RPF2: variants seen among roughly 807,000 people sequenced by gnomAD.
RPF2 encodes brix domain containing 1.
A neutral mutation model predicts 38.9 loss-of-function variants in RPF2; 21 were observed. That is an observed-to-expected ratio of 0.54 (90% CI 0.38 to 0.78). RPF2 has a LOEUF of 0.78. RPF2 is among the 30% of genes least tolerant of loss of function. The pLI is 0.00. For synonymous variants in RPF2, 121 were observed against 126.2 expected, an observed-to-expected ratio of 0.96 and a Z score of 0.28; for missense variants, 314 against 358.1, an observed-to-expected ratio of 0.88 and a Z score of 0.99.
rs774852454 is a variant in RPF2 at position 110,990,015 on chromosome 6, T to G, written c.194+950T>G. Among the ~76,000 whole-genome samples the G allele has an allele frequency of 1.9e-4, 29 of 152,092 alleles. No individual in the cohort carries two copies. The Middle Eastern group carries it at 0.017, about 90-fold the overall frequency. ...GTGCAGTGGCATGATCTAAGGTCAC[T>G]GCAACACCTGCCTCCTGGGTTCAAG... On this transcript the variant is annotated intron_variant, in intron 3 of 9. Coordinates refer to ENST00000441448, the MANE Select transcript of RPF2 (RefSeq NM_032194.3).
chr6:110,984,432 A>G (rs1287396784), intron 1 of RPF2, among the ~76,000 whole-genome samples: 1 of 152,206 alleles, frequency 6.6e-6, no homozygotes, highest in Non-Finnish European at 1.5e-5. Context: ...AAAGATTGGA[A>G]AGAGCAGTAA....
chr6:110,990,616 A>C (rs1771604651), intron 3 of RPF2, among the ~76,000 whole-genome samples: 1 of 118,408 alleles, frequency 8.4e-6, no homozygotes, highest in Non-Finnish European at 1.6e-5. Context: ...ACGGAGTCTC[A>C]CTCTTTCACC....
chr6:111,007,356 A>G (rs764500877), intron 6 of RPF2, among the ~76,000 whole-genome samples: 54 of 152,160 alleles, frequency 3.5e-4, no homozygotes, highest in Non-Finnish European at 1.5e-4. Context: ...TTCTTTTGCC[A>G]TCTTTTATTT....
intron 6 of RPF2, among the ~76,000 whole-genome samples, chr6:111,001,965 G>A (rs1013174598): frequency 1.3e-5 from 2 of 152,182 alleles, no homozygotes; most frequent in African/African-American, 4.8e-5. Context: ...GCAACGTAGT[G>A]AGACATTGTC....
At chr6:111,019,922 G>T (rs201318464) in intron 8 of RPF2, among the ~76,000 whole-genome samples, 25,121 of 145,848 alleles carry the variant, frequency 0.17, 2,780 homozygotes, top group East Asian at 0.53. Flanking sequence ...TCTTTCTTTT[G>T]TTTTTTTTTT....
rs79729443 is a variant in RPF2 at position 110,982,112 on chromosome 6, C to T, written c.6C>T (p.Asp2=). 9.5e-4 allele frequency: 1,533 copies of T among 1,614,204 alleles called. 15 individuals carry two copies. The African/African-American group carries it at 0.018, about 19-fold the overall frequency. M[D]TLDRVVKPKT... The stretch of plus-strand genomic sequence containing the variant: ...AGTTGCAGGTAGCGGTAGCGATGGA[C>T]ACTCTGGATCGAGTAGTGTAAGTGC... The change falls in exon 1 of 10, where the codon GAC becomes GAT. Residue 2 remains aspartate (D), a synonymous_variant. Transcript: ENST00000441448.
chr6:110,990,394 A>G (rs997347044), intron 3 of RPF2, among the ~76,000 whole-genome samples: 1 of 152,152 alleles, frequency 6.6e-6, no homozygotes, highest in African/African-American at 2.4e-5. Flanking sequence ...GTTATTTTGT[A>G]AATTATCCCT....
At chr6:110,989,095 A>G (rs767996335) in intron 3 of RPF2, 30 bp downstream of exon 3, 21 of 1,498,912 alleles carry the variant, frequency 1.4e-5, no homozygotes, top group Non-Finnish European at 1.8e-5. Context: ...ACTGTATTTT[A>G]AATGATTTTG....
chr6:110,999,532 C>A (rs3904924), intron 5 of RPF2, among the ~76,000 whole-genome samples, 179 bp from the exon 6 acceptor site: 14,072 of 151,878 alleles, frequency 0.093, 745 homozygotes, highest in African/African-American at 0.13. Flanking sequence ...CTTTCCATGA[C>A]TAATATCATA....
Position 111,024,652 on chromosome 6 carries a change from G to A in RPF2, c.741+325G>A, listed in dbSNP as rs146513959. 8.7e-3 allele frequency among the ~76,000 whole-genome samples: 1,312 copies of A among 150,162 alleles called. 19 individuals carry two copies. Among genetic ancestry groups the A allele is most frequent in the African/African-American group, 0.031 (1,257 of 40,684 alleles). On this transcript the variant is annotated intron_variant, in intron 9 of 9. Transcript: ENST00000441448. ...GGCGTGAACCGGGGAGGTGGAGCTT[G>A]CAGTGAGCAGAGATCACGCCATTGC...
chr6:111,002,425 T>G (rs1239971377), intron 6 of RPF2, among the ~76,000 whole-genome samples: 1 of 152,144 alleles, frequency 6.6e-6, no homozygotes, highest in African/African-American at 2.4e-5. Flanking sequence ...ACTGCAGCCT[T>G]GAATTCCTGG....
At chr6:110,988,940 C>G in intron 2 of RPF2, 88 bp from the exon 3 acceptor site, 1 of 1,497,354 alleles carries the variant, frequency 6.7e-7, no homozygotes, top group Non-Finnish European at 9.0e-7. Context: ...CCAGAGCAAT[C>G]TTGGAGAGTG....
chr6:110,992,152 C>CA (rs1443232960), intron 4 of RPF2, among the ~76,000 whole-genome samples: 2 of 151,488 alleles, frequency 1.3e-5, no homozygotes, highest in African/African-American at 4.8e-5. Context: ...ACTAAAAATA[C>CA]AAAAAAAATT....
intron 1 of RPF2, among the ~76,000 whole-genome samples, chr6:110,984,694 C>A (rs899719589): frequency 1.1e-4 from 17 of 151,768 alleles, no homozygotes; most frequent in African/African-American, 4.1e-4. Flanking sequence ...ACAAAAATTA[C>A]CCAGGCGTGG....
rs1229705901 is a variant in RPF2, at chr6:110,999,916, A to T, written c.393+129A>T. The T allele has an allele frequency of 7.1e-6, 4 of 562,484 alleles. No individual in the cohort carries two copies. The African/African-American group carries it at 7.4e-5, about 10-fold the overall frequency. 34.8% of individuals were successfully genotyped at this position (562,484 alleles called of 1,614,324 possible). A position where few individuals can be genotyped will look rare whatever the true frequency, so the allele number is the denominator to read the frequency against. ...TTGTGTTTTTATTTTGACATGCTCCAGGATAAAAATACAATTTTATTTTAC... is the reference window on the plus strand; with the variant it reads ...TTGTGTTTTTATTTTGACATGCTCCTGGATAAAAATACAATTTTATTTTAC... On this transcript the variant is annotated intron_variant, in intron 6 of 9. Coordinates refer to ENST00000441448, the MANE Select transcript of RPF2 (RefSeq NM_032194.3).
chr6:111,003,087 C>CG (rs992813417), intron 6 of RPF2, among the ~76,000 whole-genome samples: 3 of 146,302 alleles, frequency 2.1e-5, no homozygotes, highest in South Asian at 2.3e-4. Context: ...TTACCCCCCC[C>CG]CCTTTTTTTT....
intron 2 of RPF2, among the ~76,000 whole-genome samples, chr6:110,987,492 C>T (rs1311306743): frequency 6.6e-6 from 1 of 152,086 alleles, no homozygotes; most frequent in Non-Finnish European, 1.5e-5. Context: ...GGGAAACTGC[C>T]CCTCTCCTTC....
chr6:110,987,553 A>G (rs1771544970), intron 2 of RPF2, among the ~76,000 whole-genome samples: 1 of 152,336 alleles, frequency 6.6e-6, no homozygotes, highest in South Asian at 2.1e-4. Flanking sequence ...CTTTAAAAGC[A>G]GCACAATATT....
intron 7 of RPF2, among the ~76,000 whole-genome samples, chr6:111,009,268 A>G (rs1771972531): frequency 6.6e-6 from 1 of 152,012 alleles, no homozygotes; most frequent in African/African-American, 2.4e-5. Flanking sequence ...GTTAGCCAGG[A>G]TGGTCTCAAT....
Sources: gnomAD v4.1 joint callset for allele counts (sites outside exome capture counted in the v4.1 genomes callset) on GRCh38, gnomAD v4.1.1 for gene constraint, MANE v1.5 for transcripts, NCBI Gene and HGNC (gene_info 2026-07-23, HGNC 2026-07-21) for gene names.